The following PHACTR4 variants were observed in gnomAD, a reference collection of about 807,000 sequenced individuals.
PHACTR4 encodes protein phosphatase 1, regulatory subunit 124.
Under a neutral mutation model 72.7 loss-of-function variants are expected in PHACTR4, and 51 were observed. The ratio of observed to expected loss-of-function variants is 0.70; its 90% confidence interval spans 0.56 to 0.89. PHACTR4 has a LOEUF of 0.89. Among genes scored for constraint, PHACTR4 ranks in the 40% least tolerant of loss-of-function variants. The pLI is 0.00. For synonymous variants in PHACTR4, 255 were observed against 302.5 expected, an observed-to-expected ratio of 0.84 and a Z score of 1.63; for missense variants, 731 against 861.8, an observed-to-expected ratio of 0.85 and a Z score of 1.90.
rs1480475918 is a variant in PHACTR4, at chr1:28,500,065, TTCATCTTTCGTC to T, written c.*3521_*3532del. On this transcript the variant is annotated 3_prime_UTR_variant, in exon 14 of 14. Transcript: ENST00000373839. Reference sequence around the variant, plus strand: ...TTCTGTGCGTCACCAAGTAATCTGGTTCATCTTTCGTCTCATTCATGTTATTTTCAAGTGAAA... The same window carrying T: ...TTCTGTGCGTCACCAAGTAATCTGGTTCATTCATGTTATTTTCAAGTGAAA... The T allele has an allele frequency of 6.6e-6, 1 of 152,168 alleles. No individual in the cohort carries two copies. Among genetic ancestry groups the T allele is most frequent in the Non-Finnish European group, 1.5e-5 (1 of 68,048 alleles). 9.4% of individuals were successfully genotyped at this position (152,168 alleles called of 1,614,324 possible). A position where few individuals can be genotyped will look rare whatever the true frequency, so the allele number is the denominator to read the frequency against.
At chr1:28,380,047 G>A (rs1369817866) in intron 1 of PHACTR4, among the ~76,000 whole-genome samples, 2 of 128,530 alleles carry the variant, frequency 1.6e-5, no homozygotes, top group African/African-American at 2.9e-5. Flanking sequence ...TTTTTTAAAT[G>A]TAACTTTTTT....
intron 1 of PHACTR4, among the ~76,000 whole-genome samples, chr1:28,396,845 CTT>C (rs60578939): frequency 2.5e-4 from 30 of 119,656 alleles, no homozygotes; most frequent in Non-Finnish European, 3.0e-4. Context: ...TTCTTTCTTT[CTT>C]TTTTTTTTTT....
intron 2 of PHACTR4, among the ~76,000 whole-genome samples, chr1:28,429,608 A>G (rs1569921719): frequency 6.6e-6 from 1 of 152,344 alleles, no homozygotes; most frequent in African/African-American, 2.4e-5. Context: ...GTAGAATAGA[A>G]TCTCTGAGAA....
At position 28,491,804 on chromosome 1, in the gene PHACTR4, C is replaced by T; in HGVS notation, c.2016+17C>T. On this transcript the variant is annotated intron_variant, in intron 12 of 13. Transcript: ENST00000373839. ...GCTGACAAGGTACCTGGAAAGCACT[C>T]TCTTGCTTTTTTTCTCTTTCTCTTT... 6.2e-7 allele frequency: 1 copy of T among 1,604,116 alleles called. No individual in the cohort carries two copies. Among genetic ancestry groups the T allele is most frequent in the Non-Finnish European group, 8.5e-7 (1 of 1,175,888 alleles).
chr1:28,437,594 G>A (rs990379403), intron 2 of PHACTR4, among the ~76,000 whole-genome samples: 6 of 152,108 alleles, frequency 3.9e-5, no homozygotes, highest in Non-Finnish European at 7.4e-5. Context: ...CAGGAGACTG[G>A]GTATCTGTGA....
In PHACTR4 at chr1:28,480,446, C is replaced by G. The variant is rs1660210635; in HGVS notation, c.1607-5C>G. 2.5e-6 allele frequency: 4 copies of G among 1,613,662 alleles called. No homozygotes were observed. Among genetic ancestry groups the G allele is most frequent in the Non-Finnish European group, 3.4e-6 (4 of 1,179,754 alleles). On this transcript the variant is annotated splice_region_variant and splice_polypyrimidine_tract_variant and intron_variant, in intron 8 of 13. Coordinates refer to ENST00000373839, the MANE Select transcript of PHACTR4 (RefSeq NM_001048183.3). ...TCTACATTTTTTTCTTCCCCGTGTG[C>G]AAAGGTGCTCTCGCCAACAAAGTGA... is the stretch of plus-strand genomic sequence containing the variant.
intron 1 of PHACTR4, among the ~76,000 whole-genome samples, chr1:28,375,929 C>T (rs1038270688): frequency 2.6e-5 from 4 of 151,930 alleles, no homozygotes; most frequent in Admixed American, 6.6e-5. Flanking sequence ...ATTAGCCAGG[C>T]GTGGTGGTAC....
intron 4 of PHACTR4, 82 bp from the exon 5 acceptor site, chr1:28,465,602 GA>G (rs1659100460): frequency 2.9e-6 from 4 of 1,396,044 alleles, no homozygotes; most frequent in Non-Finnish European, 2.9e-6. Flanking sequence ...AAAAGAGAGA[GA>G]AAGAAAAAAA....
intron 2 of PHACTR4, among the ~76,000 whole-genome samples, chr1:28,408,157 C>T (rs141158647): frequency 4.3e-4 from 65 of 152,326 alleles, no homozygotes; most frequent in African/African-American, 1.5e-3. Context: ...CTGTCTTAAT[C>T]ACTCAGTAAC....
intron 1 of PHACTR4, among the ~76,000 whole-genome samples, chr1:28,371,184 T>C (rs1308335017): frequency 2.6e-5 from 4 of 152,190 alleles, no homozygotes; most frequent in Non-Finnish European, 5.9e-5. Context: ...GAGCTCCTAG[T>C]TCACTGTAGC....
In PHACTR4 at chr1:28,475,729, C is replaced by CT. The variant is rs71672836; in HGVS notation, c.1422-364dup. On this transcript the variant is annotated intron_variant, in intron 7 of 13. Transcript: ENST00000373839. ...ATTTATGGTTATTTCAGTCCTTTGT[C>CT]TTTTTTTTTTTTTTGAGATAGAATC... is the stretch of plus-strand genomic sequence containing the variant. Among the ~76,000 whole-genome samples the CT allele has an allele frequency of 2.2e-3, 297 of 135,244 alleles. 7 individuals carry two copies. The highest frequency in any genetic ancestry group is 0.015 in the East Asian group (74 of 4,862). The allele number at this position is 135,244 out of a possible 152,430, so 88.7% of individuals were successfully genotyped here. A position where few individuals can be genotyped will look rare whatever the true frequency, so the allele number is the denominator to read the frequency against.
chr1:28,456,078 T>C (rs1422772760), intron 2 of PHACTR4, among the ~76,000 whole-genome samples: 1 of 152,112 alleles, frequency 6.6e-6, no homozygotes, highest in East Asian at 1.9e-4. Flanking sequence ...CATTCTTGCA[T>C]TGCTATAAAG....
chr1:28,414,682 C>A (rs1412734283), intron 2 of PHACTR4, among the ~76,000 whole-genome samples: 4 of 152,144 alleles, frequency 2.6e-5, no homozygotes, highest in African/African-American at 9.7e-5. Flanking sequence ...CCAACCCCTT[C>A]CATTTTTTGT....
At chr1:28,452,917 G>A (rs538558640) in intron 2 of PHACTR4, among the ~76,000 whole-genome samples, 5 of 152,084 alleles carry the variant, frequency 3.3e-5, no homozygotes, top group Non-Finnish European at 5.9e-5. Context: ...TCAGGAGCTC[G>A]AGACCAGCCT....
At chr1:28,475,317 T>G (rs1257147712) in intron 7 of PHACTR4, among the ~76,000 whole-genome samples, 2 of 152,102 alleles carry the variant, frequency 1.3e-5, no homozygotes, top group African/African-American at 2.4e-5. Context: ...ACACAAAATT[T>G]ACAAAATTAT....
rs192141566 is a variant in PHACTR4 at position 28,401,755 on chromosome 1, C to T, written c.-38-5655C>T. Among the ~76,000 whole-genome samples, 86 of 152,172 alleles carry T rather than the reference C, an allele frequency of 5.7e-4. 4 individuals are homozygous for T. The East Asian group carries it at 6.0e-3, about 11-fold the overall frequency. On this transcript the variant is annotated intron_variant, in intron 1 of 13. Transcript: ENST00000373839. ...CTAGGACTACAGGCACGCACCACCA[C>T]GCTCATCTAATTTTTAAATTTTTTT...
At chr1:28,449,444 C>A (rs1464302746) in intron 2 of PHACTR4, among the ~76,000 whole-genome samples, 4 of 152,128 alleles carry the variant, frequency 2.6e-5, no homozygotes, top group African/African-American at 9.7e-5. Flanking sequence ...TATCTCATAT[C>A]TCCATCAAGT....
At chr1:28,451,403 T>TA (rs1277873662) in intron 2 of PHACTR4, among the ~76,000 whole-genome samples, 4 of 151,582 alleles carry the variant, frequency 2.6e-5, no homozygotes, top group East Asian at 1.9e-4. Flanking sequence ...TTTTTTTTTT[T>TA]AATTTTAGAT....
intron 2 of PHACTR4, among the ~76,000 whole-genome samples, chr1:28,447,002 T>TTTTATTTATTTA (rs760091619): frequency 0.037 from 5,621 of 150,678 alleles, 169 homozygotes; most frequent in African/African-American, 0.067. Flanking sequence ...AGGTATTTCT[T>TTTTATTTATTTA]TTTATTTATT....
Sources: allele counts gnomAD v4.1 joint callset (sites outside exome capture counted in the v4.1 genomes callset), GRCh38; gene constraint gnomAD v4.1.1; transcripts MANE v1.5; gene names NCBI Gene and HGNC (gene_info 2026-07-23, HGNC 2026-07-21).